FHIT: variants seen among roughly 807,000 people sequenced by gnomAD.
FHIT encodes the protein fragile histidine triad diadenosine triphosphatase.
FHIT carries 19 observed loss-of-function variants against 17.9 expected under a neutral mutation model. That is an observed-to-expected ratio of 1.06 (90% CI 0.74 to 1.56). The LOEUF (loss-of-function observed/expected upper bound fraction) is 1.56. FHIT is among the 40% of genes most tolerant of loss of function. FHIT has a pLI of 0.00. For missense variants in FHIT, 248 were observed against 189.2 expected (o/e 1.31, Z -1.82); for synonymous variants, 81 against 69.7 (o/e 1.16, Z -0.81).
intron 3 of FHIT, among the ~76,000 whole-genome samples, chr3:60,952,634 A>G (rs1185796951): frequency 6.6e-6 from 1 of 152,210 alleles, no homozygotes; most frequent in Non-Finnish European, 1.5e-5. Context: ...AAAACCCAGC[A>G]GGTGCAAGAA....
Position 60,543,907 on chromosome 3 carries a change from C to CTTTTTTTTTTTT in FHIT, c.-17-6940_-17-6929dup, listed in dbSNP as rs71092612. ...CTACAAGCGCCCGCACCACGCCCGG[C>CTTTTTTTTTTTT]TTTTTTTTTTTTTTTTTTTTTTTTG... On this transcript the variant is annotated intron_variant, in intron 4 of 9. Coordinates refer to ENST00000492590, the MANE Select transcript of FHIT (RefSeq NM_002012.4). Among the ~76,000 whole-genome samples, 396 of 52,048 alleles carry CTTTTTTTTTTTT rather than the reference C, an allele frequency of 7.6e-3. 46 individuals are homozygous for CTTTTTTTTTTTT. Among genetic ancestry groups the CTTTTTTTTTTTT allele is most frequent in the South Asian group, 0.018 (8 of 448 alleles). 34.1% of individuals were successfully genotyped at this position (52,048 alleles called of 152,430 possible).
At chr3:60,971,583 T>C (rs1247834261) in intron 3 of FHIT, among the ~76,000 whole-genome samples, 12 of 152,014 alleles carry the variant, frequency 7.9e-5, no homozygotes, top group Admixed American at 7.9e-4. Context: ...GGAACTGAAG[T>C]TTTCCACGCT....
intron 4 of FHIT, among the ~76,000 whole-genome samples, chr3:60,606,258 T>G (rs75052989): frequency 6.6e-6 from 1 of 151,750 alleles, no homozygotes; most frequent in Non-Finnish European, 1.5e-5. Flanking sequence ...TTTTTTTTTT[T>G]GAGATGGAGT....
At chr3:59,928,413 A>G (rs1413105180) in intron 7 of FHIT, among the ~76,000 whole-genome samples, 1 of 152,158 alleles carries the variant, frequency 6.6e-6, no homozygotes, top group Admixed American at 6.5e-5. Flanking sequence ...AAAATTGTAA[A>G]CTTTCTACTT....
intron 4 of FHIT, among the ~76,000 whole-genome samples, chr3:60,743,330 A>T (rs915617514): frequency 6.6e-6 from 1 of 152,180 alleles, no homozygotes; most frequent in East Asian, 1.9e-4. Context: ...ATATCAAGGG[A>T]ATGACAGCAT....
intron 5 of FHIT, among the ~76,000 whole-genome samples, chr3:60,344,497 T>A (rs553942988): frequency 3.7e-4 from 56 of 152,266 alleles, no homozygotes; most frequent in African/African-American, 1.2e-3. Flanking sequence ...AGAGAACACA[T>A]TCCATGAGCC....
At chr3:60,195,553 A>ATATATATATATATATATTTATATT (rs148013554) in intron 5 of FHIT, among the ~76,000 whole-genome samples, 3 of 136,508 alleles carry the variant, frequency 2.2e-5, no homozygotes, top group South Asian at 2.3e-4. Flanking sequence ...TGTGATATAT[A>ATATATATATATATATATTTATATT]TATATATTTA....
At chr3:60,398,088 C>T (rs185064441) in intron 5 of FHIT, among the ~76,000 whole-genome samples, 3 of 152,102 alleles carry the variant, frequency 2.0e-5, no homozygotes, top group Admixed American at 6.6e-5. Context: ...CCAGTGTCCA[C>T]GAGCCTAATT....
chr3:59,987,957 C>CT (rs1175635253), intron 7 of FHIT, among the ~76,000 whole-genome samples: 1 of 152,100 alleles, frequency 6.6e-6, no homozygotes, highest in Non-Finnish European at 1.5e-5. Context: ...AAGACGTAAC[C>CT]TGACCCACTA....
intron 7 of FHIT, among the ~76,000 whole-genome samples, chr3:59,949,766 G>A (rs1027311084): frequency 2.2e-4 from 33 of 152,166 alleles, no homozygotes; most frequent in Admixed American, 2.2e-3. Flanking sequence ...GTTTACATAT[G>A]AACATCATAT....
At chr3:60,146,838 C>T (rs919600698) in intron 5 of FHIT, among the ~76,000 whole-genome samples, 2 of 151,948 alleles carry the variant, frequency 1.3e-5, no homozygotes, top group African/African-American at 2.4e-5. Flanking sequence ...CATGGAAATC[C>T]GGAACAAAAG....
intron 4 of FHIT, among the ~76,000 whole-genome samples, chr3:60,767,282 T>C (rs1699889875): frequency 6.6e-6 from 1 of 152,212 alleles, no homozygotes; most frequent in Admixed American, 6.5e-5. Flanking sequence ...CTACAGTTTA[T>C]AAGAACAGAG....
intron 5 of FHIT, among the ~76,000 whole-genome samples, chr3:60,166,671 C>T (rs548497730): frequency 7.2e-5 from 11 of 152,262 alleles, no homozygotes; most frequent in East Asian, 1.9e-4. Context: ...TCACATTATA[C>T]GTTTAAAAAT....
intron 7 of FHIT, among the ~76,000 whole-genome samples, chr3:59,999,223 T>C (rs975082036): frequency 5.3e-5 from 8 of 152,220 alleles, no homozygotes; most frequent in African/African-American, 1.7e-4. Flanking sequence ...AAGAAATGAA[T>C]GGCACTGGTA....
rs142677462 is a variant in FHIT, at chr3:60,258,114, T to C, written c.104-243962A>G. On this transcript the variant is annotated intron_variant, in intron 5 of 9. Transcript: ENST00000492590. ...CACACACACACACCTCTGCAGATTT[T>C]GTACACACTCCATCATATATCAGCA... Among the ~76,000 whole-genome samples the C allele has an allele frequency of 6.4e-3, 937 of 145,526 alleles. 8 individuals are homozygous for C. The highest frequency in any genetic ancestry group is 9.1e-3 in the Non-Finnish European group (597 of 65,440).
chr3:61,107,122 C>T (rs974504285), intron 2 of FHIT, among the ~76,000 whole-genome samples: 2 of 152,150 alleles, frequency 1.3e-5, no homozygotes, highest in African/African-American at 4.8e-5. Flanking sequence ...AACAATTCTC[C>T]AACTGCCCAC....
intron 2 of FHIT, among the ~76,000 whole-genome samples, chr3:61,080,156 T>C (rs75775536): frequency 0.19 from 29,503 of 152,108 alleles, 3,130 homozygotes; most frequent in South Asian, 0.29. Context: ...AATAAAACCA[T>C]ATTTTTACTC....
chr3:60,924,918 G>C (rs1707499756), intron 3 of FHIT, among the ~76,000 whole-genome samples: 1 of 152,152 alleles, frequency 6.6e-6, no homozygotes, highest in South Asian at 2.1e-4. Context: ...GAATACACAA[G>C]TCTCAGTAGC....
chr3:60,659,146 G>A (rs376581780), intron 4 of FHIT, among the ~76,000 whole-genome samples: 11 of 151,912 alleles, frequency 7.2e-5, no homozygotes, highest in African/African-American at 1.7e-4. Context: ...TCTGATAATC[G>A]TATTGATGAT....
Sources: gnomAD v4.1 joint callset for allele counts (sites outside exome capture counted in the v4.1 genomes callset) on GRCh38, gnomAD v4.1.1 for gene constraint, MANE v1.5 for transcripts, NCBI Gene and HGNC (gene_info 2026-07-23, HGNC 2026-07-21) for gene names.